The following PCDHA3 variants were observed in gnomAD, a reference collection of about 807,000 sequenced individuals.
PCDHA3 encodes the protein protocadherin alpha 3.
In PCDHA3, 41 loss-of-function variants were observed where a neutral mutation model predicts 62.2. That is an observed-to-expected ratio of 0.66 (90% CI 0.51 to 0.86). The LOEUF (loss-of-function observed/expected upper bound fraction) is 0.86, where lower values mean the gene tolerates loss of function less well. Ranked by LOEUF, PCDHA3 falls within the 40% of genes least tolerant of loss-of-function variation. The pLI, the probability that PCDHA3 is intolerant of heterozygous loss-of-function variation, is 0.00. For synonymous variants in PCDHA3, 640 were observed against 555.4 expected, an observed-to-expected ratio of 1.15 and a Z score of -2.14; for missense variants, 1,304 against 1,241.2, an observed-to-expected ratio of 1.05 and a Z score of -0.76.
At chr5:140,897,580 G>A (rs1420816335) in intron 1 of PCDHA3, among the ~76,000 whole-genome samples, 1 of 151,964 alleles carries the variant, frequency 6.6e-6, no homozygotes, top group African/African-American at 2.4e-5. Flanking sequence ...TCTTAATCCA[G>A]TCTGTCATTG....
At chr5:140,829,687 G>A (rs2150172545) in intron 1 of PCDHA3, 3 of 1,613,340 alleles carry the variant, frequency 1.9e-6, no homozygotes, top group East Asian at 2.2e-5. Flanking sequence ...AGCTGCTGCA[G>A]TTTCAGGTGA....
At chr5:140,991,792 T>A (rs541458701) in intron 3 of PCDHA3, among the ~76,000 whole-genome samples, 4 of 152,282 alleles carry the variant, frequency 2.6e-5, no homozygotes, top group Non-Finnish European at 5.9e-5. Context: ...CATTTCCCAA[T>A]CTCAAGGCCA....
chr5:140,884,535 C>T (rs142468733), intron 1 of PCDHA3: 2 of 1,613,918 alleles, frequency 1.2e-6, no homozygotes, highest in African/African-American at 1.3e-5. Flanking sequence ...CAGAGGCGGC[C>T]GAGGGTGTGC....
intron 1 of PCDHA3, among the ~76,000 whole-genome samples, chr5:140,913,410 C>A (rs375204256): frequency 6.6e-6 from 1 of 152,040 alleles, no homozygotes; most frequent in Non-Finnish European, 1.5e-5. Flanking sequence ...CCTTTGAATT[C>A]CTGCAGTATC....
At chr5:140,854,296 G>T in intron 1 of PCDHA3, 4 of 437,926 alleles carry the variant, frequency 9.1e-6, no homozygotes, top group Non-Finnish European at 1.2e-5. Context: ...TTATTATTTT[G>T]TGCGTGGAGA....
At chr5:141,009,312 A>G (rs1355833857) in intron 3 of PCDHA3, among the ~76,000 whole-genome samples, 1 of 152,160 alleles carries the variant, frequency 6.6e-6, no homozygotes, top group Non-Finnish European at 1.5e-5. Context: ...TTAAAAAGCT[A>G]GCCTGGCATG....
chr5:140,896,718 T>C (rs1331880145), intron 1 of PCDHA3, among the ~76,000 whole-genome samples: 1 of 152,138 alleles, frequency 6.6e-6, no homozygotes, highest in East Asian at 1.9e-4. Context: ...TTTTGCTTGT[T>C]AATTTGTTTA....
At chr5:140,820,068 T>C (rs1554127785) in intron 1 of PCDHA3, among the ~76,000 whole-genome samples, 1 of 152,036 alleles carries the variant, frequency 6.6e-6, no homozygotes, top group African/African-American at 2.4e-5. Context: ...GTGGCTAACA[T>C]CAGCTAATGC....
chr5:140,893,135 T>C (rs1405005785), intron 1 of PCDHA3, among the ~76,000 whole-genome samples: 1 of 152,252 alleles, frequency 6.6e-6, no homozygotes, highest in Non-Finnish European at 1.5e-5. Flanking sequence ...ATTTTCTTTA[T>C]CCACTCATCT....
rs1469484046 is a variant in PCDHA3 at position 141,010,169 on chromosome 5, C to G, written c.*232C>G. ...CTCCACTCTGGCTTGTTTTCAGAAC[C>G]TAAAAAGCAGACCCAAGTTTCCTTT... On this transcript the variant is annotated 3_prime_UTR_variant, in exon 4 of 4. Coordinates refer to ENST00000522353, the MANE Select transcript of PCDHA3 (RefSeq NM_018906.3). 6.4e-7 allele frequency: 1 copy of G among 1,560,124 alleles called. No homozygotes were observed. The highest frequency in any genetic ancestry group is 8.7e-7 in the Non-Finnish European group (1 of 1,151,276).
intron 1 of PCDHA3, chr5:140,968,527 G>T: frequency 3.1e-6 from 5 of 1,614,142 alleles, no homozygotes; most frequent in Non-Finnish European, 4.2e-6. Flanking sequence ...CAACCAACTC[G>T]TCAGCAGCCT....
intron 1 of PCDHA3, among the ~76,000 whole-genome samples, chr5:140,961,393 G>C (rs1224822152): frequency 6.6e-6 from 1 of 152,104 alleles, no homozygotes; most frequent in African/African-American, 2.4e-5. Context: ...TATTCCATTA[G>C]TAAACACTTT....
intron 1 of PCDHA3, among the ~76,000 whole-genome samples, chr5:140,887,705 T>G (rs1016402630): frequency 6.6e-6 from 1 of 152,172 alleles, no homozygotes; most frequent in Non-Finnish European, 1.5e-5. Context: ...TCAACCATAC[T>G]TCTTCTAATA....
chr5:140,809,014 C>G (rs1562221741), intron 1 of PCDHA3: 2 of 1,613,716 alleles, frequency 1.2e-6, no homozygotes, highest in Non-Finnish European at 1.7e-6. Context: ...GGCTTTCGTA[C>G]GAGCTGCAGC....
Position 140,829,404 on chromosome 5 carries a change from C to T in PCDHA3, c.2394+25813C>T, listed in dbSNP as rs2150167278. On this transcript the variant is annotated intron_variant, in intron 1 of 3. Transcript: ENST00000522353. The stretch of plus-strand genomic sequence containing the variant: ...GGGGGCTCGCCTTCGCTGTGGGCCA[C>T]CGCCAGCTTGTCTGTGGAGGTGGCC... 9.9e-6 allele frequency: 16 copies of T among 1,613,990 alleles called. No homozygotes were observed. In the Admixed American group the frequency reaches 1.8e-4, roughly 18 times the overall value.
At chr5:140,848,581 G>C in intron 1 of PCDHA3, 1 of 1,595,130 alleles carries the variant, frequency 6.3e-7, no homozygotes, top group Non-Finnish European at 8.6e-7. Flanking sequence ...GTGGGGAGCG[G>C]CCAGCTCCAC....
chr5:140,875,698 G>C (rs2055722414), intron 1 of PCDHA3: 1 of 1,614,084 alleles, frequency 6.2e-7, no homozygotes, highest in African/African-American at 1.3e-5. Context: ...GGACCTTCTG[G>C]AGGTAAATCT....
chr5:140,920,360 C>T (rs1049389066), intron 1 of PCDHA3, among the ~76,000 whole-genome samples: 2 of 151,950 alleles, frequency 1.3e-5, no homozygotes, highest in Non-Finnish European at 2.9e-5. Context: ...TAGTTCTATT[C>T]ATTTATTCTT....
chr5:140,884,821 G>T (rs1470699415), intron 1 of PCDHA3: 1 of 1,011,638 alleles, frequency 9.9e-7, no homozygotes, highest in Admixed American at 3.4e-5. Context: ...TGGACATTAT[G>T]TGTTGGATTA....
Sources: allele counts gnomAD v4.1 joint callset (sites outside exome capture counted in the v4.1 genomes callset), GRCh38; gene constraint gnomAD v4.1.1; transcripts MANE v1.5; gene names NCBI Gene and HGNC (gene_info 2026-07-23, HGNC 2026-07-21).